Variants in CUX1 observed in about 807,000 individuals in gnomAD.
CUX1 encodes cut like homeobox 1, also known as protein CASP.
Under a neutral mutation model 158.8 loss-of-function variants are expected in CUX1, and 31 were observed. The observed-to-expected ratio is 0.20, with a 90% CI of 0.15 to 0.26. The LOEUF (loss-of-function observed/expected upper bound fraction) is 0.26, where lower values mean the gene tolerates loss of function less well. Ranked by LOEUF, CUX1 falls within the 10% of genes least tolerant of loss-of-function variation. The probability of loss-of-function intolerance (pLI) is 1.00; values close to 1 mark genes in which losing one functional copy is unlikely to be tolerated. For synonymous variants in CUX1, 879 were observed against 862.1 expected (o/e 1.02, Z -0.34); for missense variants, 1,589 against 2,014.6 (o/e 0.79, Z 4.04).
At chr7:101,825,602 C>T (rs554101536) in intron 1 of CUX1, among the ~76,000 whole-genome samples, 5 of 152,228 alleles carry the variant, frequency 3.3e-5, no homozygotes, top group South Asian at 4.1e-4. Context: ...TTGTCAGCAT[C>T]GATGTGGGAC....
intron 10 of CUX1, among the ~76,000 whole-genome samples, chr7:102,176,689 AG>A (rs1792393455): frequency 7.0e-6 from 1 of 142,300 alleles, no homozygotes; most frequent in Non-Finnish European, 1.5e-5. Flanking sequence ...CTCCCGCCCC[AG>A]CCTCCTGAGT....
chr7:102,206,415 T>C (rs1199065485), intron 20 of CUX1, among the ~76,000 whole-genome samples: 6 of 152,196 alleles, frequency 3.9e-5, no homozygotes, highest in African/African-American at 1.4e-4. Context: ...TGGCTCGAGT[T>C]CAGAATACTT....
At chr7:102,205,061 T>G in intron 19 of CUX1, 53 bp from the exon 20 acceptor site, 1 of 1,293,862 alleles carries the variant, frequency 7.7e-7, no homozygotes, top group Non-Finnish European at 1.1e-6. Flanking sequence ...GTTAGGAAGC[T>G]TTAAGCCCTG....
At chr7:102,216,669 TCACACA>T (rs1158278343) in intron 20 of CUX1, among the ~76,000 whole-genome samples, 2 of 15,816 alleles carry the variant, frequency 1.3e-4, no homozygotes, top group Non-Finnish European at 2.9e-4. Context: ...CCACACACAC[TCACACA>T]CACACACTCC....
At chr7:101,889,906 G>A (rs1356915485) in intron 1 of CUX1, among the ~76,000 whole-genome samples, 1 of 152,188 alleles carries the variant, frequency 6.6e-6, no homozygotes, top group Non-Finnish European at 1.5e-5. Flanking sequence ...ACTCTCTCGC[G>A]ATCCCAGTGA....
At chr7:102,202,258 G>A (rs1290419659) in intron 18 of CUX1, 54 bp downstream of exon 18, 3 of 1,541,094 alleles carry the variant, frequency 1.9e-6, no homozygotes, top group African/African-American at 1.4e-5. Flanking sequence ...CCTTGCTGAG[G>A]ACCAAGTATC....
chr7:102,054,841 C>A (rs425934), intron 3 of CUX1, among the ~76,000 whole-genome samples: 82,452 of 151,824 alleles, frequency 0.54, 24,389 homozygotes, highest in East Asian at 0.97. Context: ...CATGGTGGCG[C>A]GTTCCTGTAG....
At chr7:102,167,338 A>C (rs930732516) in intron 9 of CUX1, among the ~76,000 whole-genome samples, 1 of 152,170 alleles carries the variant, frequency 6.6e-6, no homozygotes. Context: ...ATCAACAGCT[A>C]GATCCCTTCT....
chr7:101,893,131 T>A (rs1030218122), intron 1 of CUX1, among the ~76,000 whole-genome samples: 4 of 150,530 alleles, frequency 2.7e-5, no homozygotes, highest in Non-Finnish European at 5.9e-5. Context: ...CTAATTTCTA[T>A]TTTCTTTTTA....
At chr7:102,233,100 T>G (rs1299868588) in intron 21 of CUX1, among the ~76,000 whole-genome samples, 6 of 152,144 alleles carry the variant, frequency 3.9e-5, no homozygotes, top group Non-Finnish European at 8.8e-5. Flanking sequence ...GAGCTCTGGC[T>G]TAGAGATTTC....
chr7:102,079,346 G>A (rs1352772456), intron 4 of CUX1, among the ~76,000 whole-genome samples: 2 of 151,914 alleles, frequency 1.3e-5, no homozygotes, highest in Non-Finnish European at 2.9e-5. Context: ...GCTGAGTCAC[G>A]AGAATCGCTT....
intron 14 of CUX1, among the ~76,000 whole-genome samples, chr7:102,266,144 C>T (rs1790793780): frequency 6.8e-6 from 1 of 146,364 alleles, no homozygotes; most frequent in Admixed American, 7.0e-5. Context: ...GTGGAGGTTG[C>T]AGTGAGTTGA....
intron 1 of CUX1, among the ~76,000 whole-genome samples, chr7:101,858,518 A>C (rs896873199): frequency 6.6e-6 from 1 of 152,184 alleles, no homozygotes; most frequent in African/African-American, 2.4e-5. Context: ...CTCTCACCCG[A>C]AAGAATGTTT....
Position 102,281,796 on chromosome 7 carries a change from G to T in CUX1, c.1822-44G>T, listed in dbSNP as rs541660654. Reference sequence around the variant, plus strand: ...AAGCCCAGGCAGCCCTGCAGGGGTGGGTGAGGCCGGCCCCATCCCCACTCA... The same window carrying T: ...AAGCCCAGGCAGCCCTGCAGGGGTGTGTGAGGCCGGCCCCATCCCCACTCA... On this transcript the variant is annotated intron_variant, in intron 20 of 22. Transcript: ENST00000292538. The T allele has an allele frequency of 1.9e-5, 25 of 1,310,656 alleles. No individual in the cohort carries two copies. The East Asian group carries it at 5.3e-4, about 28-fold the overall frequency. 81.2% of individuals were successfully genotyped at this position (1,310,656 alleles called of 1,614,324 possible). A position where few individuals can be genotyped will look rare whatever the true frequency, so the allele number is the denominator to read the frequency against.
chr7:101,965,333 C>T (rs953138336), intron 2 of CUX1, among the ~76,000 whole-genome samples: 71 of 152,076 alleles, frequency 4.7e-4, no homozygotes, highest in Non-Finnish European at 9.3e-4. Context: ...GTATCACAGA[C>T]GAAACTCACA....
At chr7:102,216,818 TCTCCCACC>T in intron 20 of CUX1, among the ~76,000 whole-genome samples, 1 of 88,164 alleles carries the variant, frequency 1.1e-5, no homozygotes, top group African/African-American at 4.0e-5. Context: ...CCACACACAC[TCTCCCACC>T]ACACACACAC....
intron 2 of CUX1, among the ~76,000 whole-genome samples, chr7:101,944,268 G>T: frequency 6.6e-6 from 1 of 152,160 alleles, no homozygotes; most frequent in African/African-American, 2.4e-5. Context: ...GGGGCAGGAG[G>T]GGTGTCCTGC....
At chr7:102,179,318 G>T (rs1792766504) in intron 11 of CUX1, among the ~76,000 whole-genome samples, 1 of 152,224 alleles carries the variant, frequency 6.6e-6, no homozygotes, top group Non-Finnish European at 1.5e-5. Flanking sequence ...AAAGTGCTGA[G>T]ATTACAGGTC....
intron 23 of CUX1, among the ~76,000 whole-genome samples, chr7:102,247,958 C>G (rs1800993042): frequency 6.6e-6 from 1 of 152,142 alleles, no homozygotes; most frequent in African/African-American, 2.4e-5. Flanking sequence ...TGGTGAAACC[C>G]CATCTCTTCT....
Sources: allele counts gnomAD v4.1 joint callset (sites outside exome capture counted in the v4.1 genomes callset), GRCh38; gene constraint gnomAD v4.1.1; transcripts MANE v1.5; gene names NCBI Gene and HGNC (gene_info 2026-07-23, HGNC 2026-07-21).